The following ZZZ3 variants were observed in gnomAD, a reference collection of about 807,000 sequenced individuals.
The protein encoded by ZZZ3 is zinc finger ZZ-type containing 3.
Under a neutral mutation model 95.2 loss-of-function variants are expected in ZZZ3, and 22 were observed. That is an observed-to-expected ratio of 0.23 (90% CI 0.17 to 0.33). The LOEUF (loss-of-function observed/expected upper bound fraction) is 0.33. Ranked by LOEUF, ZZZ3 falls within the 10% of genes least tolerant of loss-of-function variation. The pLI, the probability that ZZZ3 is intolerant of heterozygous loss-of-function variation, is 1.00. For synonymous variants in ZZZ3, 335 were observed against 358.9 expected, an observed-to-expected ratio of 0.93 and a Z score of 0.75; for missense variants, 885 against 1,066.5, an observed-to-expected ratio of 0.83 and a Z score of 2.37.
chr1:77,632,797 C>A lies in ZZZ3; in HGVS notation c.558G>T (p.Gly186=). The A allele has an allele frequency of 1.2e-6, 2 of 1,614,168 alleles. No individual in the cohort carries two copies. Among genetic ancestry groups the A allele is most frequent in the Non-Finnish European group, 1.7e-6 (2 of 1,180,028 alleles). ...CTTCAACTACTGCAGAATTAAGTGG[C>A]CCTTCCTCACTGACATTCACCTTTT... is the stretch of plus-strand genomic sequence containing the variant. The part of the protein sequence containing the change: ...EIKKVNVSEE[G]PLNSAVVEEI... The change falls in exon 5 of 15, where the codon GGG becomes GGT. Residue 186 remains glycine (G), a synonymous_variant. Transcript: ENST00000370801.
At chr1:77,677,452 A>G (rs1451153858) in intron 1 of ZZZ3, 1 of 152,248 alleles carries the variant, frequency 6.6e-6, no homozygotes, top group African/African-American at 2.4e-5. Flanking sequence ...TTAAATAAAT[A>G]AAGCACAATA....
intron 6 of ZZZ3, 134 bp downstream of exon 6, chr1:77,584,383 G>T: frequency 1.3e-6 from 1 of 760,264 alleles, no homozygotes; most frequent in Non-Finnish European, 1.9e-6. Flanking sequence ...CTTGCCTTAA[G>T]TAGTACGGCT....
intron 11 of ZZZ3, among the ~76,000 whole-genome samples, chr1:77,576,438 C>T (rs915891301): frequency 5.3e-5 from 8 of 152,086 alleles, no homozygotes; most frequent in African/African-American, 1.4e-4. Flanking sequence ...ACCCCAACAA[C>T]GGTAAAATGG....
chr1:77,632,378 G>A lies in ZZZ3; in HGVS notation c.977C>T (p.Ala326Val). 1 of 1,614,104 alleles carries A rather than the reference G, an allele frequency of 6.2e-7. No homozygotes were observed. Among genetic ancestry groups the A allele is most frequent in the Non-Finnish European group, 8.5e-7 (1 of 1,180,012 alleles). Residue 326 changes from alanine (A) to valine (V), a missense_variant, in exon 5 of 15, where the codon GCC becomes GTC. Ala to Val is a moderately conservative substitution (Grantham distance 64, BLOSUM62 0). This residue lies in a region of ZZZ3 where 556 missense variants were observed against 652.9 expected (regional missense o/e 0.85). Coordinates refer to ENST00000370801, the MANE Select transcript of ZZZ3 (RefSeq NM_015534.6). ...EEVDVVGDSSASKEQCKENTN... is the reference protein window; with the variant it reads ...EEVDVVGDSSVSKEQCKENTN... ...GTTTTCTTTACACTGCTCTTTTGAG[G>A]CACTGCTATCTCCCACCACATCTAC...
Position 77,592,856 on chromosome 1 carries a change from C to G in ZZZ3, c.1506-8201G>C, listed in dbSNP as rs374598446. 9.9e-5 allele frequency among the ~76,000 whole-genome samples: 15 copies of G among 152,206 alleles called. No homozygotes were observed. In the South Asian group the frequency reaches 2.9e-3, roughly 29 times the overall value. On this transcript the variant is annotated intron_variant, in intron 5 of 14. Coordinates refer to ENST00000370801, the MANE Select transcript of ZZZ3 (RefSeq NM_015534.6). ...TTCCCTGAAGACAACCAATATACAG[C>G]TGGAGAAAATATTTGAAAGTTCTTA... is the stretch of plus-strand genomic sequence containing the variant.
At chr1:77,623,716 C>G (rs1485397954) in intron 5 of ZZZ3, among the ~76,000 whole-genome samples, 1 of 152,140 alleles carries the variant, frequency 6.6e-6, no homozygotes, top group African/African-American at 2.4e-5. Flanking sequence ...TAATCCAATT[C>G]CCAAGATTAG....
In ZZZ3 at chr1:77,631,899, C is replaced by T; in HGVS notation, c.1456G>A (p.Asp486Asn). The change falls in exon 5 of 15, where the codon GAT becomes AAT. Residue 486 changes from aspartate (D) to asparagine (N), a missense_variant. Asp to Asn is a conservative substitution (Grantham distance 23). This residue lies in a region of ZZZ3 where 556 missense variants were observed against 652.9 expected (regional missense o/e 0.85). Coordinates refer to ENST00000370801, the MANE Select transcript of ZZZ3 (RefSeq NM_015534.6). ...HITEEEDDDPDVYYFESDHVA... is the reference protein window; with the variant it reads ...HITEEEDDDPNVYYFESDHVA... Reference sequence around the variant, plus strand: ...TGATCTGATTCAAAGTAATAAACATCAGGATCATCATCTTCCTCTTCTGTA... The same window carrying T: ...TGATCTGATTCAAAGTAATAAACATTAGGATCATCATCTTCCTCTTCTGTA... 2 of 1,612,248 alleles carry T rather than the reference C, an allele frequency of 1.2e-6. No individual in the cohort carries two copies. The highest frequency in any genetic ancestry group is 1.7e-6 in the Non-Finnish European group (2 of 1,179,090).
At chr1:77,657,748 A>T (rs960727584) in intron 1 of ZZZ3, among the ~76,000 whole-genome samples, 3 of 152,228 alleles carry the variant, frequency 2.0e-5, no homozygotes, top group African/African-American at 7.2e-5. Context: ...CCAATAAATA[A>T]TTGTTAAATT....
At chr1:77,635,881 G>C (rs1215101246) in intron 4 of ZZZ3, among the ~76,000 whole-genome samples, 1 of 152,056 alleles carries the variant, frequency 6.6e-6, no homozygotes, top group Non-Finnish European at 1.5e-5. Flanking sequence ...ACTCTAGCCT[G>C]GGCAACAGAG....
At chr1:77,662,824 G>A (rs889839018) in intron 1 of ZZZ3, among the ~76,000 whole-genome samples, 3 of 152,146 alleles carry the variant, frequency 2.0e-5, no homozygotes, top group African/African-American at 7.2e-5. Context: ...GAAATGTGAG[G>A]CCAGGTGCTG....
chr1:77,585,100 A>G (rs1191838537), intron 5 of ZZZ3: 4 of 152,420 alleles, frequency 2.6e-5, no homozygotes, highest in African/African-American at 7.2e-5. Flanking sequence ...ACACTGTCAC[A>G]TAATTCCAAT....
intron 5 of ZZZ3, among the ~76,000 whole-genome samples, chr1:77,607,263 A>G (rs1237788385): frequency 6.6e-6 from 1 of 152,182 alleles, no homozygotes; most frequent in Non-Finnish European, 1.5e-5. Context: ...TTATAAAACC[A>G]TCAGATCTTG....
chr1:77,633,030 T>C lies in ZZZ3; in HGVS notation c.325A>G (p.Thr109Ala), dbSNP rs764505960. 3 of 1,613,976 alleles carry C rather than the reference T, an allele frequency of 1.9e-6. No homozygotes were observed. The highest frequency in any genetic ancestry group is 2.5e-6 in the Non-Finnish European group (3 of 1,180,016). Reference protein sequence around the residue: ...QAIENCERRQTEPVSPVLKRI... With the variant: ...QAIENCERRQAEPVSPVLKRI... Reference sequence around the variant, plus strand: ...TTTAAAACTGGTGAAACAGGTTCTGTTTGCCTTCTCTCACAATTTTCTATA... The same window carrying C: ...TTTAAAACTGGTGAAACAGGTTCTGCTTGCCTTCTCTCACAATTTTCTATA... The change falls in exon 5 of 15, where the codon ACA becomes GCA. Residue 109 changes from threonine (T) to alanine (A), a missense_variant. Physicochemically the swap from Thr to Ala is moderately conservative, Grantham distance 58. This residue lies in a region of ZZZ3 where 556 missense variants were observed against 652.9 expected (regional missense o/e 0.85). Coordinates refer to ENST00000370801, the MANE Select transcript of ZZZ3 (RefSeq NM_015534.6).
intron 5 of ZZZ3, among the ~76,000 whole-genome samples, chr1:77,602,761 A>G (rs185020306): frequency 4.6e-5 from 7 of 151,820 alleles, no homozygotes; most frequent in African/African-American, 2.4e-5. Flanking sequence ...GTGCATCACC[A>G]TATCTGGCTA....
chr1:77,658,272 C>T (rs1403098940), intron 1 of ZZZ3, among the ~76,000 whole-genome samples: 2 of 150,528 alleles, frequency 1.3e-5, no homozygotes, highest in African/African-American at 2.4e-5. Flanking sequence ...ATTCACACAA[C>T]ACACACTTAA....
intron 5 of ZZZ3, among the ~76,000 whole-genome samples, chr1:77,606,214 C>T (rs75006551): frequency 2.6e-5 from 4 of 152,158 alleles, no homozygotes; most frequent in South Asian, 2.1e-4. Context: ...GTACTCCCCA[C>T]GGGCCTGTGG....
At chr1:77,592,415 G>A (rs1170340709) in intron 5 of ZZZ3, among the ~76,000 whole-genome samples, 2 of 152,158 alleles carry the variant, frequency 1.3e-5, no homozygotes. Flanking sequence ...TGATTCTCCT[G>A]CCTCAGCCTC....
intron 1 of ZZZ3, among the ~76,000 whole-genome samples, chr1:77,643,850 C>A (rs1669004956): frequency 6.6e-6 from 1 of 152,024 alleles, no homozygotes; most frequent in Admixed American, 6.6e-5. Flanking sequence ...AATTCTCAGG[C>A]AAATTATTTT....
At chr1:77,682,021 C>A (rs1006301840) in intron 1 of ZZZ3, among the ~76,000 whole-genome samples, 1 of 152,006 alleles carries the variant, frequency 6.6e-6, no homozygotes, top group Non-Finnish European at 1.5e-5. Flanking sequence ...AAAACCCTAC[C>A]GATAACTGAG....
Sources: allele counts gnomAD v4.1 joint callset (sites outside exome capture counted in the v4.1 genomes callset), GRCh38; gene constraint gnomAD v4.1.1; regional missense constraint gnomAD v4.1.1; transcripts MANE v1.5; gene names NCBI Gene and HGNC (gene_info 2026-07-23, HGNC 2026-07-21).